USP39: variants seen among roughly 807,000 people sequenced by gnomAD.
The protein encoded by USP39 is ubiquitin carboxyl-terminal hydrolase 39.
In USP39, 38 loss-of-function variants were observed where a neutral mutation model predicts 66.4. The ratio of observed to expected loss-of-function variants is 0.57; its 90% confidence interval spans 0.44 to 0.75. The LOEUF (loss-of-function observed/expected upper bound fraction) is 0.75. USP39 is among the 30% of genes least tolerant of loss of function. The pLI, the probability that USP39 is intolerant of heterozygous loss-of-function variation, is 0.00. For synonymous variants in USP39, 303 were observed against 274.6 expected (o/e 1.10, Z -1.02); for missense variants, 608 against 714.4 (o/e 0.85, Z 1.70).
intron 11 of USP39, among the ~76,000 whole-genome samples, chr2:85,647,684 A>G (rs906633271): frequency 2.0e-5 from 3 of 151,934 alleles, no homozygotes; most frequent in African/African-American, 7.2e-5. Flanking sequence ...CAAAAAAACA[A>G]CAAACAAAAA....
intron 1 of USP39, among the ~76,000 whole-genome samples, chr2:85,604,992 G>C (rs1673165446): frequency 1.3e-5 from 2 of 152,178 alleles, no homozygotes; most frequent in Admixed American, 6.5e-5. Context: ...ATGACAGAAG[G>C]GCTCTTCATA....
chr2:85,645,659 G>A (rs1676589208), intron 11 of USP39, among the ~76,000 whole-genome samples: 9 of 152,176 alleles, frequency 5.9e-5, no homozygotes, highest in African/African-American at 2.2e-4. Flanking sequence ...GCAGAGGCCA[G>A]GGATGTTGGT....
chr2:85,615,685 C>T (rs985142248), upstream of USP39, among the ~76,000 whole-genome samples: 1 of 152,198 alleles, frequency 6.6e-6, no homozygotes, highest in Admixed American at 6.5e-5. Context: ...GGCTGGAGTG[C>T]AATGGCGCGA....
Position 85,639,208 on chromosome 2 carries a change from A to C in USP39, c.1101A>C (p.Ala367=). The C allele has an allele frequency of 6.2e-7, 1 of 1,612,032 alleles. No homozygotes were observed. The highest frequency in any genetic ancestry group is 8.5e-7 in the Non-Finnish European group (1 of 1,178,796). The part of the protein sequence containing the change: ...TKKLPHPDLP[A]EEKEQLLHND... ...TTCTTCTCATTCATTTCTAGCCAGC[A>C]GAAGAAAAAGAGCAGTTGCTCCATA... is the stretch of plus-strand genomic sequence containing the variant. Residue 367 remains alanine (A), a synonymous_variant, in exon 9 of 13, where the codon GCA becomes GCC. Transcript: ENST00000323701.
chr2:85,621,194 G>A lies in USP39; in HGVS notation c.339-291G>A, dbSNP rs185439126. The A allele has an allele frequency of 6.3e-4, 145 of 228,792 alleles. 3 individuals carry two copies. In the South Asian group the frequency reaches 0.011, roughly 17 times the overall value. 14.2% of individuals were successfully genotyped at this position (228,792 alleles called of 1,614,324 possible). On this transcript the variant is annotated intron_variant, in intron 2 of 12. Transcript: ENST00000323701. Reference sequence around the variant, plus strand: ...TACTGTTACCTTAGTCTAACTTGTAGCTTTCTCTCTAGAGAAAGTGACTGC... The same window carrying A: ...TACTGTTACCTTAGTCTAACTTGTAACTTTCTCTCTAGAGAAAGTGACTGC...
chr2:85,633,400 G>C (rs568113928), intron 6 of USP39, among the ~76,000 whole-genome samples: 1 of 152,292 alleles, frequency 6.6e-6, no homozygotes, highest in East Asian at 1.9e-4. Context: ...TGGGATTACA[G>C]GTGTGAACCA....
upstream of USP39, among the ~76,000 whole-genome samples, chr2:85,613,125 C>T (rs564828731): frequency 2.6e-5 from 4 of 152,014 alleles, no homozygotes; most frequent in East Asian, 1.9e-4. Context: ...TTTGGGATGC[C>T]GAAGTGGGAG....
intron 5 of USP39, among the ~76,000 whole-genome samples, chr2:85,630,429 A>C (rs1030082241): frequency 3.3e-5 from 5 of 152,218 alleles, no homozygotes; most frequent in African/African-American, 1.2e-4. Context: ...ATTGTTGAAT[A>C]AGTTGATAGA....
chr2:85,637,302 C>T lies in USP39; in HGVS notation c.1028-67C>T, dbSNP rs1675849651. ...CTGGTTTATTTCAGAAATTTAGAAGCTGGAAATATACTTCAGACATGTTTT... is the reference window on the plus strand; with the variant it reads ...CTGGTTTATTTCAGAAATTTAGAAGTTGGAAATATACTTCAGACATGTTTT... On this transcript the variant is annotated intron_variant, in intron 7 of 12. Coordinates refer to ENST00000323701, the MANE Select transcript of USP39 (RefSeq NM_006590.4). 2.3e-5 allele frequency: 35 copies of T among 1,552,582 alleles called. No homozygotes were observed. The South Asian group carries it at 3.6e-4, about 16-fold the overall frequency.
chr2:85,619,090 A>T, intron 1 of USP39, 130 bp from the exon 2 acceptor site: 2 of 1,076,250 alleles, frequency 1.9e-6, no homozygotes, highest in Admixed American at 2.3e-5. Flanking sequence ...TTTTTTCGAT[A>T]TTGTTGCCAC....
chr2:85,611,625 G>A (rs187547382), upstream of USP39: 879 of 1,561,966 alleles, frequency 5.6e-4, 6 homozygotes, highest in African/African-American at 9.0e-3. Flanking sequence ...TGCGTTGCAG[G>A]AAGAGCGCGC....
chr2:85,622,658 CT>C (rs913423346), intron 3 of USP39, among the ~76,000 whole-genome samples: 3 of 146,954 alleles, frequency 2.0e-5, no homozygotes, highest in Non-Finnish European at 3.0e-5. Flanking sequence ...GCTCAAAGGA[CT>C]TTTTTTATTC....
At chr2:85,611,628 G>C (rs1321399395), upstream of USP39, 3 of 1,562,678 alleles carry the variant, frequency 1.9e-6, no homozygotes, top group Non-Finnish European at 2.6e-6. Context: ...GTTGCAGGAA[G>C]AGCGCGCGGG....
At chr2:85,610,553 AACAG>A (rs1673442084), upstream of USP39, 1 of 152,156 alleles carries the variant, frequency 6.6e-6, no homozygotes, top group Non-Finnish European at 1.5e-5. Context: ...CTGACTGTGA[AACAG>A]ACAGAAGCTT....
intron 5 of USP39, among the ~76,000 whole-genome samples, chr2:85,629,944 G>A (rs186194335): frequency 1.2e-3 from 180 of 152,128 alleles, no homozygotes; most frequent in African/African-American, 4.2e-3. Flanking sequence ...CCTGGGGGAT[G>A]GAGCAAGACT....
upstream of USP39, chr2:85,612,151 C>G (rs1673597369): frequency 2.2e-5 from 19 of 881,236 alleles, 1 homozygote; most frequent in South Asian, 3.4e-4. Context: ...GTTTTCGGGT[C>G]TGGTCGGGTC....
At chr2:85,611,283 C>G (rs904290224), upstream of USP39, 12 of 1,416,796 alleles carry the variant, frequency 8.5e-6, no homozygotes, top group South Asian at 9.3e-5. Context: ...AGTGTGATCT[C>G]TAGGTAGCAG....
At chr2:85,646,579 C>T (rs1372093429) in intron 11 of USP39, among the ~76,000 whole-genome samples, 1 of 152,202 alleles carries the variant, frequency 6.6e-6, no homozygotes, top group African/African-American at 2.4e-5. Flanking sequence ...TGGGAACTTA[C>T]TTATGTGATC....
rs370606140 is a variant in USP39, at chr2:85,640,978, A to G, written c.1287A>G (p.Glu429=). 4.4e-6 allele frequency: 7 copies of G among 1,608,944 alleles called. No homozygotes were observed. In the African/African-American group the frequency reaches 8.1e-5, roughly 19 times the overall value. The change falls in exon 10 of 13, where the codon GAA becomes GAG. Residue 429 remains glutamate (E), a splice_region_variant and synonymous_variant. Coordinates refer to ENST00000323701, the MANE Select transcript of USP39 (RefSeq NM_006590.4). ...AGAATTTTCTTTTCTTTCTCTAGGAATATAAGACTTACAAGGAGAACTTTC... is the reference window on the plus strand; with the variant it reads ...AGAATTTTCTTTTCTTTCTCTAGGAGTATAAGACTTACAAGGAGAACTTTC... ...LAKFNGITEK[E]YKTYKENFLK...
Sources: gnomAD v4.1 joint callset for allele counts (sites outside exome capture counted in the v4.1 genomes callset) on GRCh38, gnomAD v4.1.1 for gene constraint, MANE v1.5 for transcripts, NCBI Gene and HGNC (gene_info 2026-07-23, HGNC 2026-07-21) for gene names.